Variants in PTPRG observed in about 807,000 individuals in gnomAD.
PTPRG encodes receptor-type tyrosine-protein phosphatase gamma.
Under a neutral mutation model 165.3 loss-of-function variants are expected in PTPRG, and 102 were observed. The observed-to-expected ratio is 0.62, with a 90% CI of 0.53 to 0.73. PTPRG has a LOEUF of 0.73. PTPRG is among the 30% of genes least tolerant of loss of function. The pLI, the probability that PTPRG is intolerant of heterozygous loss-of-function variation, is 0.00. For synonymous variants in PTPRG, 675 were observed against 669.5 expected, an observed-to-expected ratio of 1.01 and a Z score of -0.13; for missense variants, 1,866 against 1,861.4, an observed-to-expected ratio of 1.00 and a Z score of -0.05.
intron 12 of PTPRG, among the ~76,000 whole-genome samples, chr3:62,211,710 C>A (rs1015547128): frequency 2.6e-5 from 4 of 152,228 alleles, no homozygotes; most frequent in African/African-American, 9.6e-5. Context: ...CTGATAGAGG[C>A]CTCTTGGATC....
In PTPRG at chr3:62,228,516, A is replaced by C. The variant is rs1016127236; in HGVS notation, c.2289-2709A>C. 6.6e-6 allele frequency among the ~76,000 whole-genome samples: 1 copy of C among 151,576 alleles called. No homozygotes were observed. The highest frequency in any genetic ancestry group is 2.4e-5 in the African/African-American group (1 of 41,284). On this transcript the variant is annotated intron_variant, in intron 13 of 29. Transcript: ENST00000474889. The surrounding 1 kb of genome is among the most constrained non-coding windows in gnomAD (Gnocchi z 4.1). ...GCAACAGAGCAAAACTCCATCTCAAAAAAAAAAAAGAAAGAAAGAAAAAAG... is the reference window on the plus strand; with the variant it reads ...GCAACAGAGCAAAACTCCATCTCAACAAAAAAAAAGAAAGAAAGAAAAAAG...
At chr3:61,581,609 C>CTTTTTT (rs138750100) in intron 1 of PTPRG, among the ~76,000 whole-genome samples, 1 of 137,090 alleles carries the variant, frequency 7.3e-6, no homozygotes. Context: ...TTCTTTTTTT[C>CTTTTTT]TTTTTTTTTT....
In PTPRG at chr3:62,130,876, C is replaced by T. The variant is rs529279657; in HGVS notation, c.616-1726C>T. Among the ~76,000 whole-genome samples, 17 of 152,214 alleles carry T rather than the reference C, an allele frequency of 1.1e-4. No homozygotes were observed. The East Asian group carries it at 3.3e-3, about 29-fold the overall frequency. On this transcript the variant is annotated intron_variant, in intron 5 of 29. Coordinates refer to ENST00000474889, the MANE Select transcript of PTPRG (RefSeq NM_002841.4). Reference sequence around the variant, plus strand: ...CTTCTTCTCAGGCAATTTGTAGGCACACTTATGCCAACTCCCAGAATTCCA... The same window carrying T: ...CTTCTTCTCAGGCAATTTGTAGGCATACTTATGCCAACTCCCAGAATTCCA...
At chr3:61,969,345 G>C (rs2040337095) in intron 2 of PTPRG, among the ~76,000 whole-genome samples, 1 of 152,112 alleles carries the variant, frequency 6.6e-6, no homozygotes, top group African/African-American at 2.4e-5. Context: ...ATGAATATTT[G>C]CATCAATGAA....
chr3:61,955,006 A>T (rs1397394618), intron 2 of PTPRG, among the ~76,000 whole-genome samples: 1 of 152,240 alleles, frequency 6.6e-6, no homozygotes, highest in Non-Finnish European at 1.5e-5. Flanking sequence ...TTATCATCAT[A>T]GTATTATTTC....
intron 2 of PTPRG, among the ~76,000 whole-genome samples, chr3:61,778,689 G>C (rs1454163069): frequency 6.6e-6 from 1 of 152,090 alleles, no homozygotes; most frequent in East Asian, 1.9e-4. Context: ...CACATCAATA[G>C]ATAGTACTGA....
intron 12 of PTPRG, among the ~76,000 whole-genome samples, chr3:62,212,325 A>G (rs1700377970): frequency 6.6e-6 from 1 of 152,162 alleles, no homozygotes; most frequent in Non-Finnish European, 1.5e-5. Context: ...AAATGTGCTG[A>G]GGAGAATGGA....
At chr3:62,079,316 TA>T (rs1701491209) in intron 5 of PTPRG, among the ~76,000 whole-genome samples, 1 of 152,214 alleles carries the variant, frequency 6.6e-6, no homozygotes, top group Non-Finnish European at 1.5e-5. Flanking sequence ...CTTGATATTC[TA>T]CCTAGAATAA....
At chr3:61,788,465 AG>A (rs1313296805) in intron 2 of PTPRG, among the ~76,000 whole-genome samples, 1 of 152,244 alleles carries the variant, frequency 6.6e-6, no homozygotes, top group African/African-American at 2.4e-5. Context: ...AGATACCTGC[AG>A]CAACTGTAAT....
intron 29 of PTPRG, 41 bp downstream of exon 29, chr3:62,292,597 T>A: frequency 6.3e-7 from 1 of 1,597,110 alleles, no homozygotes; most frequent in Non-Finnish European, 8.5e-7. Flanking sequence ...ACTACATCAG[T>A]TGAAACTCAG....
intron 10 of PTPRG, among the ~76,000 whole-genome samples, chr3:62,201,009 A>C (rs1700084312): frequency 6.6e-6 from 1 of 152,216 alleles, no homozygotes; most frequent in Admixed American, 6.5e-5. Context: ...AATACAGGTA[A>C]AACTGACAGA....
rs375991892 is a variant in PTPRG, at chr3:62,273,048, C to T, written c.3285C>T (p.Ile1095=). The T allele has an allele frequency of 3.1e-6, 5 of 1,613,524 alleles. No homozygotes were observed. In the African/African-American group the frequency reaches 6.7e-5, roughly 22 times the overall value. The change falls in exon 22 of 30, where the codon ATC becomes ATT. Residue 1095 remains isoleucine (I), a synonymous_variant. Coordinates refer to ENST00000474889, the MANE Select transcript of PTPRG (RefSeq NM_002841.4). This position sits in a 1 kb window ranked among gnomAD's most constrained non-coding sequence, Gnocchi z 4.1. Reference sequence around the variant, plus strand: ...ACGTCCTGGGATTCCTGAAGCATATCAGGACACAGCGTAACTACCTCGTCC... The same window carrying T: ...ACGTCCTGGGATTCCTGAAGCATATTAGGACACAGCGTAACTACCTCGTCC... The part of the protein sequence containing the change: ...TVNVLGFLKH[I]RTQRNYLVQT...
chr3:61,902,028 G>T (rs773403309), intron 2 of PTPRG, among the ~76,000 whole-genome samples: 4 of 152,162 alleles, frequency 2.6e-5, no homozygotes, highest in Non-Finnish European at 5.9e-5. Flanking sequence ...GGATGGGAAG[G>T]TACTCTATTG....
At chr3:62,147,414 G>A (rs17066200) in intron 6 of PTPRG, among the ~76,000 whole-genome samples, 3 of 152,130 alleles carry the variant, frequency 2.0e-5, no homozygotes, top group Non-Finnish European at 4.4e-5. Context: ...GACTCAGAAA[G>A]TTGACGGGGC....
chr3:61,595,334 G>T (rs4488823), intron 1 of PTPRG, among the ~76,000 whole-genome samples: 136,267 of 152,188 alleles, frequency 0.9, 61,099 homozygotes, highest in Middle Eastern at 0.96. Context: ...ATAGTGTTAC[G>T]TAGCTGCTCA....
At chr3:61,614,417 C>CTTTTT (rs1559524937) in intron 1 of PTPRG, among the ~76,000 whole-genome samples, 3 of 32,600 alleles carry the variant, frequency 9.2e-5, no homozygotes, top group South Asian at 2.2e-3. Context: ...TTTAATAATA[C>CTTTTT]CTTTTTTTTT....
At chr3:61,786,927 C>T (rs2034721949) in intron 2 of PTPRG, among the ~76,000 whole-genome samples, 1 of 152,138 alleles carries the variant, frequency 6.6e-6, no homozygotes, top group Admixed American at 6.5e-5. Flanking sequence ...TCTTAATTAT[C>T]ACCATGATCT....
At chr3:62,180,830 C>T (rs1576103352) in intron 8 of PTPRG, among the ~76,000 whole-genome samples, 1 of 152,136 alleles carries the variant, frequency 6.6e-6, no homozygotes, top group Admixed American at 6.5e-5. Flanking sequence ...TAAGAGAGGT[C>T]AGGGAGAGCA....
intron 1 of PTPRG, among the ~76,000 whole-genome samples, chr3:61,582,345 C>A (rs7643343): frequency 0.69 from 104,792 of 152,044 alleles, 36,819 homozygotes; most frequent in African/African-American, 0.79. Flanking sequence ...GTCATTATAT[C>A]TAAATGATAA....
Sources: gnomAD v4.1 joint callset for allele counts (sites outside exome capture counted in the v4.1 genomes callset) on GRCh38, gnomAD v4.1.1 for gene constraint, Gnocchi (gnomAD v3.1) non-coding constraint, MANE v1.5 for transcripts, NCBI Gene and HGNC (gene_info 2026-07-23, HGNC 2026-07-21) for gene names.